The following FRMD5 variants were observed in gnomAD, a reference collection of about 807,000 sequenced individuals.
FRMD5 encodes FERM domain containing 5, also known as FERM domain-containing protein 5.
In FRMD5, 20 loss-of-function variants were observed where a neutral mutation model predicts 69.0. The ratio of observed to expected loss-of-function variants is 0.29; its 90% CI spans 0.20 to 0.42. The LOEUF is 0.42. Among genes scored for constraint, FRMD5 ranks in the 10% least tolerant of loss-of-function variants. The probability of loss-of-function intolerance (pLI) is 1.00; values close to 1 mark genes in which losing one functional copy is unlikely to be tolerated. For synonymous variants in FRMD5, 271 were observed against 260.1 expected, an observed-to-expected ratio of 1.04 and a Z score of -0.40; for missense variants, 595 against 708.6, an observed-to-expected ratio of 0.84 and a Z score of 1.82.
intron 1 of FRMD5, among the ~76,000 whole-genome samples, chr15:44,158,675 C>T (rs552041432): frequency 2.0e-5 from 3 of 152,214 alleles, no homozygotes; most frequent in African/African-American, 7.2e-5. Context: ...CCATGAATAC[C>T]TAATGTAAAG....
chr15:44,012,500 A>C (rs1890761506), intron 1 of FRMD5, among the ~76,000 whole-genome samples: 1 of 152,230 alleles, frequency 6.6e-6, no homozygotes, highest in South Asian at 2.1e-4. Context: ...TAACTGTTCT[A>C]TTCATAGATG....
At chr15:43,957,485 A>G (rs1367385161) in intron 1 of FRMD5, among the ~76,000 whole-genome samples, 1 of 152,256 alleles carries the variant, frequency 6.6e-6, no homozygotes, top group East Asian at 1.9e-4. Flanking sequence ...GGTGTGAGCC[A>G]TTAAGCCCAG....
In FRMD5 at chr15:44,154,101, T is replaced by C. The variant is rs190799534; in HGVS notation, c.102+40852A>G. On this transcript the variant is annotated intron_variant, in intron 1 of 13. Coordinates refer to ENST00000417257, the MANE Select transcript of FRMD5 (RefSeq NM_032892.5). ...CTTTGGAAGGCCAAGGTCAACAAAC[T>C]GCTTAAGCCCAGGAGTTGGAGTCCA... is the stretch of plus-strand genomic sequence containing the variant. Among the ~76,000 whole-genome samples, 600 of 152,256 alleles carry C rather than the reference T, an allele frequency of 3.9e-3. 5 individuals are homozygous for C. Among genetic ancestry groups the C allele is most frequent in the African/African-American group, 0.014 (561 of 41,540 alleles).
At chr15:43,983,164 C>T (rs184290636) in intron 1 of FRMD5, among the ~76,000 whole-genome samples, 66 of 152,294 alleles carry the variant, frequency 4.3e-4, no homozygotes, top group African/African-American at 1.5e-3. Context: ...CTCCTGACCT[C>T]AAGTGATCCA....
At position 44,037,335 on chromosome 15, in the gene FRMD5, G is replaced by A. The variant is rs185962376; in HGVS notation, c.103-113026C>T. Among the ~76,000 whole-genome samples the A allele has an allele frequency of 2.3e-3, 350 of 152,190 alleles. 7 individuals carry two copies. The East Asian group carries it at 0.059, about 26-fold the overall frequency. On this transcript the variant is annotated intron_variant, in intron 1 of 13. Coordinates refer to ENST00000417257, the MANE Select transcript of FRMD5 (RefSeq NM_032892.5). ...CATGAACTCATCCTTTTTTATGGCT[G>A]CCTAGTATTCCATGGTATATATGTG...
At chr15:43,999,909 TTG>T (rs199963431) in intron 1 of FRMD5, among the ~76,000 whole-genome samples, 2,886 of 137,486 alleles carry the variant, frequency 0.021, 157 homozygotes, top group African/African-American at 0.072. Flanking sequence ...CATTTTATAT[TTG>T]TGTGTGTGTA....
At chr15:43,925,177 G>T (rs2089562405) in intron 1 of FRMD5, among the ~76,000 whole-genome samples, 2 of 151,892 alleles carry the variant, frequency 1.3e-5, no homozygotes, top group African/African-American at 2.4e-5. Context: ...GCTAATTTTT[G>T]TATTTTTAGT....
At chr15:43,883,874 A>G in intron 12 of FRMD5, 65 bp from the exon 13 acceptor site, 2 of 1,160,152 alleles carry the variant, frequency 1.7e-6, no homozygotes, top group Non-Finnish European at 2.6e-6. Context: ...GCACTTAAGA[A>G]TTGAGTACTG....
intron 1 of FRMD5, among the ~76,000 whole-genome samples, chr15:44,077,840 T>C (rs1202545865): frequency 6.6e-6 from 1 of 152,104 alleles, no homozygotes; most frequent in Admixed American, 6.6e-5. Context: ...CTGTGCTAGA[T>C]TACATGAAGC....
At chr15:44,184,686 A>G (rs542137298) in intron 1 of FRMD5, among the ~76,000 whole-genome samples, 1 of 152,368 alleles carries the variant, frequency 6.6e-6, no homozygotes, top group South Asian at 2.1e-4. Context: ...CATAAAGCAA[A>G]GGAGATAATA....
intron 1 of FRMD5, among the ~76,000 whole-genome samples, chr15:44,070,087 A>G (rs1343353333): frequency 6.6e-6 from 1 of 152,164 alleles, no homozygotes; most frequent in African/African-American, 2.4e-5. Context: ...TGGCTTAGGA[A>G]CTACAAATGG....
At chr15:44,069,320 C>G (rs1334535502) in intron 1 of FRMD5, among the ~76,000 whole-genome samples, 1 of 152,192 alleles carries the variant, frequency 6.6e-6, no homozygotes, top group Non-Finnish European at 1.5e-5. Flanking sequence ...GCATTACATT[C>G]CTAGGCATTT....
chr15:44,047,263 C>T (rs1255507261), intron 1 of FRMD5, among the ~76,000 whole-genome samples: 3 of 151,952 alleles, frequency 2.0e-5, no homozygotes, highest in East Asian at 1.9e-4. Flanking sequence ...GAGCTGAGAT[C>T]GTGCCACTGC....
chr15:44,004,938 A>C (rs1890370319), intron 1 of FRMD5, among the ~76,000 whole-genome samples: 1 of 152,264 alleles, frequency 6.6e-6, no homozygotes. Context: ...GATCACATGA[A>C]TAACAGGAAA....
intron 1 of FRMD5, among the ~76,000 whole-genome samples, chr15:43,958,742 C>T (rs1467033948): frequency 3.9e-5 from 6 of 152,210 alleles, no homozygotes; most frequent in Non-Finnish European, 7.3e-5. Flanking sequence ...GCCACCCTGC[C>T]CAGCTGGTAA....
intron 1 of FRMD5, among the ~76,000 whole-genome samples, chr15:43,936,785 C>G (rs2089768783): frequency 6.6e-6 from 1 of 151,512 alleles, no homozygotes; most frequent in Admixed American, 6.6e-5. Flanking sequence ...AAGAAGCTGA[C>G]TGAGACAAGG....
At chr15:44,046,044 C>T (rs1892412783) in intron 1 of FRMD5, among the ~76,000 whole-genome samples, 1 of 152,106 alleles carries the variant, frequency 6.6e-6, no homozygotes, top group African/African-American at 2.4e-5. Context: ...TAGAAATCAG[C>T]TCTGCAGTCA....
intron 1 of FRMD5, among the ~76,000 whole-genome samples, chr15:43,931,552 G>A (rs2140465768): frequency 6.6e-6 from 1 of 152,004 alleles, no homozygotes; most frequent in South Asian, 2.1e-4. Flanking sequence ...CCAACCCTAA[G>A]GACAGTTTGA....
chr15:43,957,895 A>G (rs570616181), intron 1 of FRMD5, among the ~76,000 whole-genome samples: 10 of 152,326 alleles, frequency 6.6e-5, no homozygotes, highest in Middle Eastern at 3.4e-3. Context: ...TCCTTAACAC[A>G]CAGACCACTT....
Sources: allele counts gnomAD v4.1 joint callset (sites outside exome capture counted in the v4.1 genomes callset), GRCh38; gene constraint gnomAD v4.1.1; transcripts MANE v1.5; gene names NCBI Gene and HGNC (gene_info 2026-07-23, HGNC 2026-07-21).